Variants in CASP2 observed in about 807,000 individuals in gnomAD.
CASP2 encodes the protein caspase-2.
Under a neutral mutation model 54.4 loss-of-function variants are expected in CASP2, and 38 were observed. The observed-to-expected ratio is 0.70, with a 90% CI of 0.54 to 0.92. The LOEUF (loss-of-function observed/expected upper bound fraction) is 0.92. Ranked by LOEUF, CASP2 falls within the 40% of genes least tolerant of loss-of-function variation. CASP2 has a pLI of 0.00. For synonymous variants in CASP2, 215 were observed against 216.3 expected, an observed-to-expected ratio of 0.99 and a Z score of 0.05; for missense variants, 512 against 579.6, an observed-to-expected ratio of 0.88 and a Z score of 1.20.
At chr7:143,293,097 C>T (rs913597680) in intron 4 of CASP2, 2 of 640,638 alleles carry the variant, frequency 3.1e-6, no homozygotes, top group South Asian at 1.8e-5. Context: ...TTTGTCCTAA[C>T]ATGAGCCCTT....
intron 5 of CASP2, 77 bp from the exon 6 acceptor site, chr7:143,294,520 T>G: frequency 7.1e-7 from 1 of 1,402,114 alleles, no homozygotes; most frequent in East Asian, 2.3e-5. Context: ...TGTCTTTGTT[T>G]TCTTGAAATG....
chr7:143,291,283 A>G (rs188837820), intron 1 of CASP2, among the ~76,000 whole-genome samples: 130 of 152,302 alleles, frequency 8.5e-4, no homozygotes, highest in African/African-American at 3.1e-3. Flanking sequence ...TAAGACAGAT[A>G]TTTCCCTCCT....
rs1801686957 is a variant in CASP2 at position 143,294,588 on chromosome 7, C to T, written c.571-9C>T. 1.2e-6 allele frequency: 2 copies of T among 1,613,478 alleles called. No individual in the cohort carries two copies. Among genetic ancestry groups the T allele is most frequent in the Admixed American group, 1.7e-5 (1 of 60,012 alleles). ...GACGCTCATGGTCTAACTGGCCTCT[C>T]CTCCACAGGCATATAGGTTGCAGTC... is the stretch of plus-strand genomic sequence containing the variant. On this transcript the variant is annotated splice_polypyrimidine_tract_variant and intron_variant, in intron 5 of 10. Transcript: ENST00000310447.
In CASP2 at chr7:143,288,397, G is replaced by A. The variant is rs1351323151; in HGVS notation, c.-59G>A. 2 of 1,547,618 alleles carry A rather than the reference G, an allele frequency of 1.3e-6. No individual in the cohort carries two copies. The highest frequency in any genetic ancestry group is 1.8e-6 in the Non-Finnish European group (2 of 1,125,260). ...GGGGAGGGATGTGGGGGAAGCGACG[G>A]CCCCCGGTTTGTTTGGGCTGTGGGC... On this transcript the variant is annotated 5_prime_UTR_variant, in exon 1 of 11. Transcript: ENST00000310447.
chr7:143,298,614 C>T (rs1327567015), intron 6 of CASP2: 1 of 152,144 alleles, frequency 6.6e-6, no homozygotes, highest in Non-Finnish European at 1.5e-5. Context: ...GTGTGCTATG[C>T]TGATCAGGTG....
intron 4 of CASP2, among the ~76,000 whole-genome samples, chr7:143,293,583 C>G (rs371444687): frequency 2.6e-5 from 4 of 151,500 alleles, no homozygotes; most frequent in African/African-American, 9.7e-5. Flanking sequence ...AGTCTCGGCT[C>G]ACTGCAAACT....
chr7:143,303,653 T>G, intron 8 of CASP2, 131 bp from the exon 9 acceptor site: 7 of 687,426 alleles, frequency 1.0e-5, no homozygotes, highest in Admixed American at 4.8e-5. Context: ...TTATCAGCCA[T>G]AGGTTGGAGG....
intron 8 of CASP2, chr7:143,303,001 T>C (rs1801959939): frequency 6.6e-6 from 1 of 152,102 alleles, no homozygotes; most frequent in Non-Finnish European, 1.5e-5. Context: ...CAGTGACTCA[T>C]GCCTATAATC....
chr7:143,291,514 C>T (rs1373474728), intron 1 of CASP2, 26 bp from the exon 2 acceptor site: 4 of 1,612,974 alleles, frequency 2.5e-6, no homozygotes, highest in Non-Finnish European at 3.4e-6. Flanking sequence ...GACTTGACAG[C>T]CTTTCCTTCT....
At position 143,299,852 on chromosome 7, in the gene CASP2, A is replaced by C. The variant is rs141643233; in HGVS notation, c.748-71A>C. On this transcript the variant is annotated intron_variant, in intron 6 of 10. Coordinates refer to ENST00000310447, the MANE Select transcript of CASP2 (RefSeq NM_032982.4). ...TCTTCTAATAGCTTAGGGTTTCAAA[A>C]AGAAACCAAACTTTGATGCTTATGT... 1.4e-5 allele frequency: 23 copies of C among 1,588,478 alleles called. No homozygotes were observed. The African/African-American group carries it at 2.1e-4, about 15-fold the overall frequency.
intron 1 of CASP2, 60 bp downstream of exon 1, chr7:143,288,589 C>G: frequency 6.8e-7 from 1 of 1,472,844 alleles, no homozygotes; most frequent in Non-Finnish European, 9.4e-7. Flanking sequence ...AGCGTGGCCC[C>G]CAGGCGTGCG....
chr7:143,297,444 G>C (rs984230634), intron 6 of CASP2, among the ~76,000 whole-genome samples: 1 of 151,980 alleles, frequency 6.6e-6, no homozygotes, highest in Non-Finnish European at 1.5e-5. Flanking sequence ...TATAATTTTT[G>C]TTTTCTTTTT....
chr7:143,292,498 G>A (rs1801606027), intron 3 of CASP2, 31 bp downstream of exon 3: 4 of 1,613,502 alleles, frequency 2.5e-6, no homozygotes, highest in Non-Finnish European at 1.7e-6. Flanking sequence ...GGGGTGTTGG[G>A]AAGGGTTAGT....
chr7:143,288,383 T>A lies in CASP2; in HGVS notation c.-73T>A, dbSNP rs1408467944. ...GCGTCCGCGTCTGAGGGGAGGGATG[T>A]GGGGGAAGCGACGGCCCCCGGTTTG... On this transcript the variant is annotated 5_prime_UTR_variant, in exon 1 of 11. Transcript: ENST00000310447. 2.0e-6 allele frequency: 3 copies of A among 1,471,306 alleles called. No individual in the cohort carries two copies. The highest frequency in any genetic ancestry group is 1.2e-5 in the South Asian group (1 of 85,982). 91.1% of individuals were successfully genotyped at this position (1,471,306 alleles called of 1,614,324 possible). A position where few individuals can be genotyped will look rare whatever the true frequency, so the allele number is the denominator to read the frequency against.
At chr7:143,291,278 C>G (rs139258014) in intron 1 of CASP2, among the ~76,000 whole-genome samples, 57 of 152,298 alleles carry the variant, frequency 3.7e-4, no homozygotes, top group African/African-American at 1.3e-3. Flanking sequence ...TTGCTTAAGA[C>G]AGATATTTCC....
chr7:143,300,069 G>GTTCA lies in CASP2; in HGVS notation c.876+18_876+19insTTCA. ...TGCTCCAGGTGCGGATACCCTGGTG[G>GTTCA]AAGCCAACTGTTGAAACCAGGCTGC... is the stretch of plus-strand genomic sequence containing the variant. On this transcript the variant is annotated intron_variant, in intron 7 of 10. Transcript: ENST00000310447. 1 of 1,614,108 alleles carries GTTCA rather than the reference G, an allele frequency of 6.2e-7. No individual in the cohort carries two copies. Among genetic ancestry groups the GTTCA allele is most frequent in the Non-Finnish European group, 8.5e-7 (1 of 1,180,016 alleles).
intron 6 of CASP2, among the ~76,000 whole-genome samples, chr7:143,295,700 G>A (rs1269586903): frequency 3.9e-5 from 6 of 152,178 alleles, no homozygotes; most frequent in Non-Finnish European, 7.4e-5. Context: ...CTCCTTCTGT[G>A]AGAGTAATTA....
intron 9 of CASP2, 134 bp from the exon 10 acceptor site, chr7:143,304,540 T>G: frequency 1.3e-6 from 1 of 758,660 alleles, no homozygotes; most frequent in East Asian, 2.5e-5. Context: ...TCCAAAAGAG[T>G]ACCCTCCTAG....
chr7:143,294,754 T>C lies in CASP2; in HGVS notation c.728T>C (p.Leu243Pro). 6.2e-7 allele frequency: 1 copy of C among 1,614,198 alleles called. No individual in the cohort carries two copies. The highest frequency in any genetic ancestry group is 8.5e-7 in the Non-Finnish European group (1 of 1,180,014). ...FKLLGYDVHV[L>P]CDQTAQEMQE... ...CTTTTGGGCTATGACGTCCATGTTC[T>C]ATGTGACCAGACTGCACAGGTACCT... Residue 243 changes from leucine (L) to proline (P), a missense_variant, in exon 6 of 11, where the codon CTA becomes CCA. Leu to Pro is a moderately conservative substitution (Grantham distance 98). Around this residue, in one of 3 missense-constraint regions of CASP2, gnomAD observed 417 missense variants for 495.4 expected, o/e 0.84. Transcript: ENST00000310447.
Sources: allele counts gnomAD v4.1 joint callset (sites outside exome capture counted in the v4.1 genomes callset), GRCh38; gene constraint gnomAD v4.1.1; regional missense constraint gnomAD v4.1.1; transcripts MANE v1.5; gene names NCBI Gene and HGNC (gene_info 2026-07-23, HGNC 2026-07-21).